ADK: variants seen among roughly 807,000 people sequenced by gnomAD.
ADK encodes adenosine kinase, also known as N6,N6-dimethyladenosine kinase.
In ADK, 24 loss-of-function variants were observed where a neutral mutation model predicts 44.7. The observed-to-expected ratio is 0.54, with a 90% CI of 0.39 to 0.76. The LOEUF (loss-of-function observed/expected upper bound fraction) is 0.76. Ranked by LOEUF, ADK falls within the 30% of genes least tolerant of loss-of-function variation. The pLI is 0.00. For missense variants in ADK, 321 were observed against 425.1 expected (o/e 0.76, Z 2.15); for synonymous variants, 128 against 142.6 (o/e 0.90, Z 0.73).
At chr10:74,573,406 T>G (rs1589260870) in intron 7 of ADK, among the ~76,000 whole-genome samples, 1 of 152,324 alleles carries the variant, frequency 6.6e-6, no homozygotes, top group East Asian at 1.9e-4. Flanking sequence ...GGTGTCAGTC[T>G]GCCCCTACTG....
chr10:74,173,456 G>T (rs184699467), intron 1 of ADK, among the ~76,000 whole-genome samples: 1,866 of 148,408 alleles, frequency 0.013, 42 homozygotes, highest in African/African-American at 0.044. Flanking sequence ...TTGAGATGGA[G>T]TCTTGCTCTT....
At chr10:74,389,404 G>A (rs1048911704) in intron 4 of ADK, among the ~76,000 whole-genome samples, 1 of 152,162 alleles carries the variant, frequency 6.6e-6, no homozygotes, top group Non-Finnish European at 1.5e-5. Context: ...TTAGTTGGAT[G>A]TTGGTGAAAC....
intron 4 of ADK, among the ~76,000 whole-genome samples, chr10:74,342,779 T>TTGTGTGTGTGTGTGTGTGTG (rs757212421): frequency 0.047 from 6,610 of 141,218 alleles, 185 homozygotes; most frequent in Middle Eastern, 0.066. Flanking sequence ...CTAGCTCAGT[T>TTGTGTGTGTGTGTGTGTGTG]TGTGTGTGTG....
intron 9 of ADK, among the ~76,000 whole-genome samples, chr10:74,662,287 T>G (rs1279055604): frequency 6.6e-6 from 1 of 152,120 alleles, no homozygotes; most frequent in Non-Finnish European, 1.5e-5. Flanking sequence ...GCTGCCAAAA[T>G]AATTTTCTTT....
At chr10:74,555,325 G>T (rs1039231487) in intron 7 of ADK, among the ~76,000 whole-genome samples, 6 of 152,066 alleles carry the variant, frequency 3.9e-5, no homozygotes, top group African/African-American at 1.4e-4. Flanking sequence ...ATATTTAACT[G>T]ATTAAACTGA....
intron 9 of ADK, among the ~76,000 whole-genome samples, chr10:74,616,935 TG>T (rs1852785160): frequency 6.6e-6 from 1 of 152,160 alleles, no homozygotes. Context: ...ATGTATCTTT[TG>T]TAAGATTCTT....
At chr10:74,204,457 C>A (rs1843515761) in intron 2 of ADK, among the ~76,000 whole-genome samples, 1 of 151,574 alleles carries the variant, frequency 6.6e-6, no homozygotes, top group African/African-American at 2.4e-5. Context: ...TTTTTTATAT[C>A]CTGGGGATTA....
At chr10:74,626,921 A>C (rs1853225800) in intron 9 of ADK, among the ~76,000 whole-genome samples, 1 of 152,186 alleles carries the variant, frequency 6.6e-6, no homozygotes, top group South Asian at 2.1e-4. Context: ...ATATTCCCAT[A>C]AATTGTGGAA....
intron 2 of ADK, among the ~76,000 whole-genome samples, chr10:74,216,197 G>T (rs988631227): frequency 3.9e-5 from 6 of 151,918 alleles, no homozygotes; most frequent in African/African-American, 1.2e-4. Context: ...ATATTTTTAT[G>T]CATTACAGTC....
chr10:74,476,514 A>C (rs1465980373), intron 6 of ADK, among the ~76,000 whole-genome samples: 1 of 152,074 alleles, frequency 6.6e-6, no homozygotes, highest in African/African-American at 2.4e-5. Flanking sequence ...AAATTGCTGA[A>C]TCATACCTCT....
rs183129968 is a variant in ADK, at chr10:74,442,337, T to A, written c.555+43758T>A. Among the ~76,000 whole-genome samples the A allele has an allele frequency of 5.3e-3, 803 of 152,254 alleles. 6 individuals carry two copies. The highest frequency in any genetic ancestry group is 0.018 in the African/African-American group (747 of 41,546). ...ACTACTATATAATCCAACAATCTCA[T>A]TTTTGGATATAAATCTAAAGGAGAT... On this transcript the variant is annotated intron_variant, in intron 6 of 10. Coordinates refer to ENST00000539909, the MANE Select transcript of ADK (RefSeq NM_006721.4).
chr10:74,692,130 A>G (rs1025500783), intron 10 of ADK, among the ~76,000 whole-genome samples: 2 of 152,218 alleles, frequency 1.3e-5, no homozygotes, highest in Non-Finnish European at 2.9e-5. Flanking sequence ...ATCTTTCACT[A>G]GGTGAATGGA....
intron 6 of ADK, among the ~76,000 whole-genome samples, chr10:74,426,247 C>G (rs936887632): frequency 6.6e-6 from 1 of 152,060 alleles, no homozygotes; most frequent in African/African-American, 2.4e-5. Context: ...AAATGCTGCA[C>G]ACATAGGAGT....
intron 3 of ADK, among the ~76,000 whole-genome samples, chr10:74,253,102 C>T (rs576408399): frequency 1.9e-4 from 29 of 152,264 alleles, no homozygotes; most frequent in African/African-American, 6.5e-4. Context: ...GGGCTCAGCC[C>T]GTGAGGGTTC....
intron 7 of ADK, among the ~76,000 whole-genome samples, chr10:74,569,892 T>C (rs1275993368): frequency 6.6e-6 from 1 of 152,146 alleles, no homozygotes. Context: ...TCTTCTAGGG[T>C]TTTTATGGTT....
At chr10:74,513,639 T>C (rs1041253546) in intron 6 of ADK, among the ~76,000 whole-genome samples, 1 of 152,214 alleles carries the variant, frequency 6.6e-6, no homozygotes, top group Non-Finnish European at 1.5e-5. Flanking sequence ...TACAAGTTTC[T>C]TGTAGATAGC....
intron 9 of ADK, among the ~76,000 whole-genome samples, chr10:74,625,950 TAAATA>T (rs1853186102): frequency 6.6e-6 from 1 of 152,100 alleles, no homozygotes; most frequent in South Asian, 2.1e-4. Context: ...TGATACTAAA[TAAATA>T]AATCAACTAG....
intron 3 of ADK, among the ~76,000 whole-genome samples, chr10:74,247,224 G>GTTTTTTTTTTTTTTTTTTTTTTTTAATTT (rs142274121): frequency 1.4e-5 from 1 of 71,996 alleles, no homozygotes; most frequent in Non-Finnish European, 2.3e-5. Flanking sequence ...TTTTTTTTAA[G>GTTTTTTTTTTTTTTTTTTTTTTTTAATTT]TTTTTTTTTT....
chr10:74,522,194 G>A (rs968899331), intron 6 of ADK, among the ~76,000 whole-genome samples: 2 of 152,138 alleles, frequency 1.3e-5, no homozygotes, highest in Non-Finnish European at 2.9e-5. Flanking sequence ...ATTTTTATGC[G>A]AAGTCTGATG....
Sources: gnomAD v4.1 joint callset for allele counts (sites outside exome capture counted in the v4.1 genomes callset) on GRCh38, gnomAD v4.1.1 for gene constraint, MANE v1.5 for transcripts, NCBI Gene and HGNC (gene_info 2026-07-23, HGNC 2026-07-21) for gene names.